Variants in CTNND2 observed in about 807,000 individuals in gnomAD.
CTNND2 encodes catenin delta 2.
CTNND2 carries 22 observed loss-of-function variants against 144.4 expected under a neutral mutation model. The observed-to-expected ratio is 0.15, with a 90% CI of 0.11 to 0.22. The LOEUF is 0.22. Among genes scored for constraint, CTNND2 ranks in the 10% least tolerant of loss-of-function variants. CTNND2 has a pLI of 1.00. For missense variants in CTNND2, 1,353 were observed against 1,618.8 expected (o/e 0.84, Z 2.82); for synonymous variants, 751 against 695.6 (o/e 1.08, Z -1.25).
intron 12 of CTNND2, among the ~76,000 whole-genome samples, chr5:11,134,777 C>T (rs1035896244): frequency 6.6e-5 from 10 of 152,214 alleles, no homozygotes; most frequent in African/African-American, 2.4e-4. Context: ...TCTTGCTTTA[C>T]TACTACCAGA....
intron 21 of CTNND2, among the ~76,000 whole-genome samples, chr5:10,980,185 A>C (rs1365347482): frequency 6.6e-6 from 1 of 152,094 alleles, no homozygotes; most frequent in East Asian, 1.9e-4. Context: ...GAATCTATAA[A>C]GAACTTAAAC....
At chr5:11,644,725 GT>G (rs557077400) in intron 2 of CTNND2, among the ~76,000 whole-genome samples, 30 of 151,970 alleles carry the variant, frequency 2.0e-4, no homozygotes, top group African/African-American at 6.3e-4. Flanking sequence ...AATCCTGCTG[GT>G]TTTACAAAAA....
chr5:11,022,147 C>T (rs1413796565), intron 17 of CTNND2, among the ~76,000 whole-genome samples: 4 of 152,216 alleles, frequency 2.6e-5, no homozygotes, highest in South Asian at 2.1e-4. Context: ...CCACTATCTG[C>T]ACTGCCTGGG....
At chr5:11,395,747 G>T (rs61749798) in intron 6 of CTNND2, among the ~76,000 whole-genome samples, 1 of 152,200 alleles carries the variant, frequency 6.6e-6, no homozygotes, top group African/African-American at 2.4e-5. Flanking sequence ...AGAAGGTAAT[G>T]ACATTTTAAA....
chr5:11,610,332 A>T (rs1443304973), intron 2 of CTNND2, among the ~76,000 whole-genome samples: 3 of 152,170 alleles, frequency 2.0e-5, no homozygotes, highest in African/African-American at 7.2e-5. Flanking sequence ...AATACCCAAC[A>T]TTTCAAACTC....
chr5:11,230,575 G>A (rs1017254681), intron 10 of CTNND2, among the ~76,000 whole-genome samples: 9 of 152,188 alleles, frequency 5.9e-5, no homozygotes, highest in East Asian at 3.9e-4. Flanking sequence ...TCATGCCTGC[G>A]CCCTTTAAAG....
intron 1 of CTNND2, among the ~76,000 whole-genome samples, chr5:11,857,227 C>T (rs1795292706): frequency 6.6e-6 from 1 of 152,118 alleles, no homozygotes; most frequent in South Asian, 2.1e-4. Context: ...ATGGTCCTCC[C>T]TATGGAGCAA....
chr5:11,812,435 C>T (rs576333783), intron 1 of CTNND2, among the ~76,000 whole-genome samples: 2 of 152,260 alleles, frequency 1.3e-5, no homozygotes, highest in African/African-American at 4.8e-5. Context: ...CCTTCTCATC[C>T]TCTTATTCCA....
chr5:10,987,221 G>A (rs933359637), intron 20 of CTNND2, among the ~76,000 whole-genome samples: 1 of 152,200 alleles, frequency 6.6e-6, no homozygotes, highest in Admixed American at 6.5e-5. Flanking sequence ...TTGGAGGAGG[G>A]CCATCCAGGG....
At chr5:11,744,967 CT>C (rs1788231448) in intron 1 of CTNND2, among the ~76,000 whole-genome samples, 1 of 151,974 alleles carries the variant, frequency 6.6e-6, no homozygotes, top group Admixed American at 6.6e-5. Context: ...AACTCCTGAG[CT>C]CAGGCGATCC....
At chr5:11,774,559 ATT>A (rs146812358) in intron 1 of CTNND2, among the ~76,000 whole-genome samples, 72,884 of 121,252 alleles carry the variant, frequency 0.6, 26,117 homozygotes, top group South Asian at 0.78. Flanking sequence ...ATAAAAAAAA[ATT>A]AAAAAAAAAA....
chr5:11,767,740 A>G (rs1451159898), intron 1 of CTNND2, among the ~76,000 whole-genome samples: 1 of 152,172 alleles, frequency 6.6e-6, no homozygotes, highest in Admixed American at 6.5e-5. Context: ...TTTGAAGAAG[A>G]GGCAGAGGCA....
At chr5:11,424,022 C>T (rs1762574320) in intron 3 of CTNND2, among the ~76,000 whole-genome samples, 1 of 152,062 alleles carries the variant, frequency 6.6e-6, no homozygotes, top group African/African-American at 2.4e-5. Flanking sequence ...TCTTTACTTC[C>T]TTAAGAGCAA....
chr5:11,798,445 T>C (rs1791514680), intron 1 of CTNND2, among the ~76,000 whole-genome samples: 1 of 151,896 alleles, frequency 6.6e-6, no homozygotes, highest in Non-Finnish European at 1.5e-5. Context: ...GAAGTGAGAG[T>C]CCACATGTTT....
chr5:11,216,087 T>C (rs1467898879), intron 10 of CTNND2, among the ~76,000 whole-genome samples: 1 of 152,156 alleles, frequency 6.6e-6, no homozygotes, highest in Non-Finnish European at 1.5e-5. Context: ...CTGAATCTTA[T>C]CTGAAGGAAG....
At chr5:11,704,766 T>G (rs1785617528) in intron 2 of CTNND2, among the ~76,000 whole-genome samples, 1 of 151,860 alleles carries the variant, frequency 6.6e-6, no homozygotes. Context: ...TAGTTGTGGC[T>G]CACAGTTAGG....
intron 1 of CTNND2, among the ~76,000 whole-genome samples, chr5:11,735,327 T>C (rs1170368154): frequency 6.6e-6 from 1 of 152,166 alleles, no homozygotes; most frequent in African/African-American, 2.4e-5. Context: ...GTTCAGCAAA[T>C]GTTGTGCCCA....
intron 16 of CTNND2, among the ~76,000 whole-genome samples, chr5:11,076,655 T>G (rs1206340669): frequency 6.6e-6 from 1 of 152,332 alleles, no homozygotes; most frequent in African/African-American, 2.4e-5. Context: ...CACATAACTA[T>G]GGAAACAACC....
In CTNND2 at chr5:11,739,671, T is replaced by C. The variant is rs114182292; in HGVS notation, c.38-7399A>G. Among the ~76,000 whole-genome samples the C allele has an allele frequency of 5.7e-3, 873 of 152,184 alleles. 10 individuals are homozygous for C. The highest frequency in any genetic ancestry group is 0.02 in the African/African-American group (833 of 41,518). ...ATGCCCTCTCTCACCACTCCTATTA[T>C]AGTGTTGGAAGTTCTGGCCCGGGCA... is the stretch of plus-strand genomic sequence containing the variant. On this transcript the variant is annotated intron_variant, in intron 1 of 21. Transcript: ENST00000304623.
Sources: gnomAD v4.1 joint callset for allele counts (sites outside exome capture counted in the v4.1 genomes callset) on GRCh38, gnomAD v4.1.1 for gene constraint, MANE v1.5 for transcripts, NCBI Gene and HGNC (gene_info 2026-07-23, HGNC 2026-07-21) for gene names.